The following USH2A variants were observed in gnomAD, a reference collection of about 807,000 sequenced individuals.
USH2A encodes Usher syndrome 2A (autosomal recessive, mild).
USH2A carries 443 observed loss-of-function variants against 538.9 expected under a neutral mutation model. That is an observed-to-expected ratio of 0.82 (90% CI 0.76 to 0.89). USH2A has a LOEUF of 0.89. Ranked by LOEUF, USH2A falls within the 40% of genes least tolerant of loss-of-function variation. The probability of loss-of-function intolerance (pLI) is 0.00; values close to 1 mark genes in which losing one functional copy is unlikely to be tolerated. For synonymous variants in USH2A, 2,413 were observed against 2,273.5 expected, an observed-to-expected ratio of 1.06 and a Z score of -1.75; for missense variants, 6,633 against 6,324.8, an observed-to-expected ratio of 1.05 and a Z score of -1.65.
chr1:216,397,557 G>A (rs529546515), intron 3 of USH2A, among the ~76,000 whole-genome samples: 3 of 152,310 alleles, frequency 2.0e-5, no homozygotes, highest in African/African-American at 7.2e-5. Context: ...TATTCAGCTT[G>A]CAGGCTTTTC....
At chr1:215,792,835 A>C (rs1662018695) in intron 50 of USH2A, among the ~76,000 whole-genome samples, 1 of 152,190 alleles carries the variant, frequency 6.6e-6, no homozygotes, top group Admixed American at 6.5e-5. Flanking sequence ...CCCAAAGAAA[A>C]ACAAAATAGG....
chr1:215,643,053 T>A (rs1449355824), intron 67 of USH2A, among the ~76,000 whole-genome samples: 1 of 152,194 alleles, frequency 6.6e-6, no homozygotes, highest in Non-Finnish European at 1.5e-5. Flanking sequence ...TAGAGTGCAG[T>A]GGCGCTATCT....
At chr1:215,680,834 C>T (rs1016298082) in intron 61 of USH2A, among the ~76,000 whole-genome samples, 6 of 152,072 alleles carry the variant, frequency 3.9e-5, no homozygotes, top group African/African-American at 1.4e-4. Flanking sequence ...TCTGTTTGTA[C>T]ACAAGACTCT....
intron 33 of USH2A, 120 bp downstream of exon 33, chr1:216,000,283 A>G (rs559891245): frequency 3.1e-5 from 41 of 1,315,594 alleles, no homozygotes; most frequent in Non-Finnish European, 4.3e-5. Flanking sequence ...CACTGAACTA[A>G]TCACTTCTAT....
intron 21 of USH2A, among the ~76,000 whole-genome samples, chr1:216,169,101 T>C (rs1052118387): frequency 6.6e-6 from 1 of 152,066 alleles, no homozygotes; most frequent in African/African-American, 2.4e-5. Context: ...GGAGAACCCA[T>C]TGAGTGGTTG....
intron 49 of USH2A, among the ~76,000 whole-genome samples, chr1:215,811,273 A>C (rs1385180372): frequency 4.6e-5 from 7 of 152,236 alleles, no homozygotes; most frequent in Admixed American, 4.6e-4. Flanking sequence ...CAAATTAGCC[A>C]CAAGGAACTA....
rs1332033522 is a variant in USH2A at position 215,811,544 on chromosome 1, A to G, written c.9739+2192T>C. On this transcript the variant is annotated intron_variant, in intron 49 of 71. Coordinates refer to ENST00000307340, the MANE Select transcript of USH2A (RefSeq NM_206933.4). ...GACAAGAAGACAGCTCTGACTCCCT[A>G]TAATTTTATCCCCAACCAATAAGCA... 2.6e-5 allele frequency among the ~76,000 whole-genome samples: 4 copies of G among 152,048 alleles called. No homozygotes were observed. In the South Asian group the frequency reaches 6.2e-4, roughly 24 times the overall value.
intron 49 of USH2A, among the ~76,000 whole-genome samples, chr1:215,808,599 T>C (rs1182327827): frequency 6.6e-6 from 1 of 152,090 alleles, no homozygotes; most frequent in Non-Finnish European, 1.5e-5. Flanking sequence ...TTCCCATCCA[T>C]TACCCTTGGC....
intron 16 of USH2A, 105 bp downstream of exon 16, chr1:216,207,168 C>T: frequency 7.3e-7 from 1 of 1,373,132 alleles, no homozygotes; most frequent in Non-Finnish European, 1.0e-6. Flanking sequence ...ACACTCTGTG[C>T]CAGACAGAGG....
intron 21 of USH2A, among the ~76,000 whole-genome samples, chr1:216,111,024 G>C (rs116158970): frequency 3.9e-5 from 6 of 152,222 alleles, no homozygotes; most frequent in Admixed American, 2.0e-4. Context: ...TCAGGAGTTT[G>C]AGACTAGCCT....
At chr1:215,969,492 C>T (rs1667437978) in intron 36 of USH2A, among the ~76,000 whole-genome samples, 1 of 151,858 alleles carries the variant, frequency 6.6e-6, no homozygotes, top group South Asian at 2.1e-4. Context: ...TTGCAGCTTA[C>T]ATTTTCAAAA....
At chr1:215,890,409 C>T (rs11120693) in intron 40 of USH2A, among the ~76,000 whole-genome samples, 33,964 of 151,988 alleles carry the variant, frequency 0.22, 4,719 homozygotes, top group African/African-American at 0.39. Context: ...TATATGAGTA[C>T]ACTTTCACAC....
chr1:216,384,217 T>C (rs899422002), intron 3 of USH2A, among the ~76,000 whole-genome samples: 3 of 151,836 alleles, frequency 2.0e-5, no homozygotes, highest in African/African-American at 4.8e-5. Flanking sequence ...AAATTATTTT[T>C]ACATATAATT....
At chr1:216,328,228 A>G (rs2037775596) in intron 4 of USH2A, among the ~76,000 whole-genome samples, 1 of 152,064 alleles carries the variant, frequency 6.6e-6, no homozygotes, top group Non-Finnish European at 1.5e-5. Context: ...ATCATAGTTC[A>G]CTCTCAGAAT....
At chr1:215,762,724 G>C (rs1661015549) in intron 56 of USH2A, among the ~76,000 whole-genome samples, 1 of 152,086 alleles carries the variant, frequency 6.6e-6, no homozygotes, top group South Asian at 2.1e-4. Flanking sequence ...TCTGGCCTAA[G>C]TCTCAGGTGA....
intron 55 of USH2A, among the ~76,000 whole-genome samples, chr1:215,770,532 T>C (rs1005989263): frequency 2.6e-5 from 4 of 152,160 alleles, no homozygotes; most frequent in Non-Finnish European, 5.9e-5. Flanking sequence ...CTGTTTTTAA[T>C]TCTCTTTTCA....
At chr1:216,408,414 G>A (rs912033183) in intron 3 of USH2A, among the ~76,000 whole-genome samples, 8 of 152,094 alleles carry the variant, frequency 5.3e-5, no homozygotes, top group Non-Finnish European at 7.4e-5. Flanking sequence ...GCCTGAAACC[G>A]TGGATATTAC....
chr1:216,086,310 T>C (rs919612612), intron 24 of USH2A, among the ~76,000 whole-genome samples: 1 of 152,134 alleles, frequency 6.6e-6, no homozygotes, highest in Non-Finnish European at 1.5e-5. Context: ...ATTGGTTTAG[T>C]GCCTATCACA....
chr1:216,297,009 G>A (rs2037119705), intron 9 of USH2A, among the ~76,000 whole-genome samples: 1 of 151,778 alleles, frequency 6.6e-6, no homozygotes, highest in Non-Finnish European at 1.5e-5. Context: ...CTCATCAAAT[G>A]AGAGTATACT....
Sources: gnomAD v4.1 joint callset for allele counts (sites outside exome capture counted in the v4.1 genomes callset) on GRCh38, gnomAD v4.1.1 for gene constraint, MANE v1.5 for transcripts, NCBI Gene and HGNC (gene_info 2026-07-23, HGNC 2026-07-21) for gene names.